NPTN: variants seen among roughly 807,000 people sequenced by gnomAD.
NPTN encodes SDR-1.
Under a neutral mutation model 42.7 loss-of-function variants are expected in NPTN, and 5 were observed. That is an observed-to-expected ratio of 0.12 (90% CI 0.06 to 0.25). The LOEUF is 0.25. Ranked by LOEUF, NPTN falls within the 10% of genes least tolerant of loss-of-function variation. The pLI is 1.00. For synonymous variants in NPTN, 180 were observed against 201.9 expected (o/e 0.89, Z 0.92); for missense variants, 307 against 525.4 (o/e 0.58, Z 4.06).
At chr15:73,614,544 A>G (rs536152945) in intron 1 of NPTN, among the ~76,000 whole-genome samples, 22 of 152,318 alleles carry the variant, frequency 1.4e-4, no homozygotes, top group African/African-American at 5.1e-4. Context: ...TGCACAAGGT[A>G]AGAAGAAAGA....
chr15:73,573,581 A>G, intron 5 of NPTN, 81 bp downstream of exon 5: 1 of 1,432,286 alleles, frequency 7.0e-7, no homozygotes. Context: ...GGATACAGCT[A>G]CTACAGTAAC....
chr15:73,595,371 T>TC, intron 2 of NPTN, among the ~76,000 whole-genome samples: 1 of 152,264 alleles, frequency 6.6e-6, no homozygotes, highest in South Asian at 2.1e-4. Context: ...GGGTTAATGT[T>TC]CCCCATTTTC....
Position 73,592,119 on chromosome 15 carries a change from C to A in NPTN, c.458G>T (p.Ser153Ile), listed in dbSNP as rs774262484. Residue 153 changes from serine to isoleucine, a missense_variant, in exon 3 of 9, where the codon AGT becomes ATT. Coordinates refer to ENST00000345330, the MANE Select transcript of NPTN (RefSeq NM_012428.4). ...GCTGTCTCGAATAATGACCTCTTCA[C>A]TGGTGACAATCCTTGGCTCTGTAAT... ...SVLQKPRIVT[S>I]EEVIIRDSPV... 11 of 1,613,646 alleles carry A rather than the reference C, an allele frequency of 6.8e-6. No individual in the cohort carries two copies. Among genetic ancestry groups the A allele is most frequent in the Non-Finnish European group, 9.3e-6 (11 of 1,179,722 alleles).
chr15:73,593,628 T>C (rs1386020831), intron 2 of NPTN, among the ~76,000 whole-genome samples: 1 of 152,194 alleles, frequency 6.6e-6, no homozygotes, highest in Non-Finnish European at 1.5e-5. Flanking sequence ...ACTTGGGAAA[T>C]GTAATGTCTT....
Position 73,569,598 on chromosome 15 carries a change from A to G in NPTN, c.1114+552T>C, listed in dbSNP as rs887691787. ...CGCTGGAAACCTATCAAAGGGACCA[A>G]CCAAGGAACCAAAAGCTGGCTTGTT... On this transcript the variant is annotated intron_variant, in intron 6 of 8. Transcript: ENST00000345330. The surrounding 1 kb of genome is among the most constrained non-coding windows in gnomAD (Gnocchi z 4.1). 3 of 985,358 alleles carry G rather than the reference A, an allele frequency of 3.0e-6. No homozygotes were observed. Among genetic ancestry groups the G allele is most frequent in the African/African-American group, 1.7e-5 (1 of 57,254 alleles). The allele number at this position is 985,358 out of a possible 1,614,324, so 61.0% of individuals were successfully genotyped here.
chr15:73,575,166 A>G (rs1895617272), intron 4 of NPTN, among the ~76,000 whole-genome samples: 1 of 152,066 alleles, frequency 6.6e-6, no homozygotes, highest in Non-Finnish European at 1.5e-5. Context: ...TATTTTTAGG[A>G]GAGATGGGGT....
intron 4 of NPTN, among the ~76,000 whole-genome samples, chr15:73,580,431 TAA>T (rs1895943798): frequency 2.1e-5 from 2 of 97,294 alleles, no homozygotes; most frequent in African/African-American, 3.7e-5. Context: ...AATATATATA[TAA>T]TATATATAAT....
intron 5 of NPTN, among the ~76,000 whole-genome samples, chr15:73,573,075 A>G (rs986989793): frequency 6.6e-6 from 1 of 152,214 alleles, no homozygotes; most frequent in African/African-American, 2.4e-5. Context: ...TACAGGGATC[A>G]CTTAAGAAGA....
intron 1 of NPTN, among the ~76,000 whole-genome samples, chr15:73,618,752 C>T (rs1480763692): frequency 1.3e-5 from 2 of 152,094 alleles, no homozygotes; most frequent in Non-Finnish European, 2.9e-5. Context: ...AGAAGGATCA[C>T]TTGAGCCCAG....
In NPTN at chr15:73,592,037, T is replaced by G; in HGVS notation, c.540A>C (p.Thr180=). 1 of 1,614,070 alleles carries G rather than the reference T, an allele frequency of 6.2e-7. No individual in the cohort carries two copies. The highest frequency in any genetic ancestry group is 8.5e-7 in the Non-Finnish European group (1 of 1,179,976). ...CNLTSSSHTL[T]YSYWTKNGVE... ...CCCCATTCTTTGTCCAGTAGCTGTA[T>G]GTAAGGGTGTGAGAGCTGGAGGTGA... Residue 180 remains threonine, a synonymous_variant, in exon 3 of 9, where the codon ACA becomes ACC. Transcript: ENST00000345330.
At chr15:73,600,503 T>G (rs1191818897) in intron 1 of NPTN, among the ~76,000 whole-genome samples, 1 of 152,196 alleles carries the variant, frequency 6.6e-6, no homozygotes, top group African/African-American at 2.4e-5. Flanking sequence ...ATGTGGAAAC[T>G]AACGTCCAAA....
chr15:73,605,180 G>C (rs1897244829), intron 1 of NPTN, among the ~76,000 whole-genome samples: 1 of 151,518 alleles, frequency 6.6e-6, no homozygotes, highest in Non-Finnish European at 1.5e-5. Flanking sequence ...GAAGAAACTG[G>C]GGGCAGGGCT....
At chr15:73,619,093 A>C (rs2141465854) in intron 1 of NPTN, among the ~76,000 whole-genome samples, 1 of 152,026 alleles carries the variant, frequency 6.6e-6, no homozygotes, top group South Asian at 2.1e-4. Flanking sequence ...AGTAACAATA[A>C]ATTAACTTAA....
At chr15:73,575,326 A>T (rs1895628137) in intron 4 of NPTN, among the ~76,000 whole-genome samples, 1 of 152,198 alleles carries the variant, frequency 6.6e-6, no homozygotes, top group Admixed American at 6.5e-5. Flanking sequence ...CATGTTGGTC[A>T]GGCCGGTCTC....
At chr15:73,595,725 A>G (rs1417488421) in intron 2 of NPTN, among the ~76,000 whole-genome samples, 5 of 152,164 alleles carry the variant, frequency 3.3e-5, no homozygotes, top group African/African-American at 9.7e-5. Flanking sequence ...GATCTTTCCA[A>G]AAGTGAATGT....
intron 1 of NPTN, among the ~76,000 whole-genome samples, chr15:73,627,100 T>A (rs1030917788): frequency 3.9e-5 from 6 of 152,172 alleles, no homozygotes; most frequent in African/African-American, 4.8e-5. Flanking sequence ...CTGAGTATGG[T>A]GGCTGGCGCC....
intron 5 of NPTN, among the ~76,000 whole-genome samples, chr15:73,571,754 A>G (rs1047254646): frequency 6.6e-6 from 1 of 152,200 alleles, no homozygotes; most frequent in African/African-American, 2.4e-5. Flanking sequence ...CTAAAGCACA[A>G]TCAGAAATAG....
chr15:73,611,292 T>C (rs1897565385), intron 1 of NPTN, among the ~76,000 whole-genome samples: 1 of 152,156 alleles, frequency 6.6e-6, no homozygotes, highest in Non-Finnish European at 1.5e-5. Flanking sequence ...TAATTAAAAG[T>C]TCCCACTTGT....
At position 73,573,743 on chromosome 15, in the gene NPTN, C is replaced by A. The variant is rs1464899609; in HGVS notation, c.759G>T (p.Gln253His). The stretch of plus-strand genomic sequence containing the variant: ...CTGACTTGCAATACATAGTGGCATC[C>A]TGCCCTTCATTCTTGTTCTCACTCC... ...HKRSENKNEG[Q>H]DATMYCKSVG... The change falls in exon 5 of 9, where the codon CAG becomes CAT. Residue 253 changes from glutamine to histidine, a missense_variant. Gln to His is a conservative substitution (Grantham distance 24). Around this residue, in one of 2 missense-constraint regions of NPTN, gnomAD observed 264 missense variants for 491.1 expected, o/e 0.54. Transcript: ENST00000345330. 6.3e-7 allele frequency: 1 copy of A among 1,597,278 alleles called. No individual in the cohort carries two copies. The highest frequency in any genetic ancestry group is 8.5e-7 in the Non-Finnish European group (1 of 1,172,858).
Sources: gnomAD v4.1 joint callset for allele counts (sites outside exome capture counted in the v4.1 genomes callset) on GRCh38, gnomAD v4.1.1 for gene constraint, gnomAD v4.1.1 regional missense constraint, Gnocchi (gnomAD v3.1) non-coding constraint, MANE v1.5 for transcripts, NCBI Gene and HGNC (gene_info 2026-07-23, HGNC 2026-07-21) for gene names.